The following FREM3 variants were observed in gnomAD, a reference collection of about 807,000 sequenced individuals.
FREM3 encodes FRAS1 related extracellular matrix 3.
In FREM3, 105 loss-of-function variants were observed where a neutral mutation model predicts 129.1. The observed-to-expected ratio is 0.81, with a 90% CI of 0.69 to 0.96. FREM3 has a LOEUF of 0.96. FREM3 is among the 40% of genes least tolerant of loss of function. The pLI, the probability that FREM3 is intolerant of heterozygous loss-of-function variation, is 0.00. For missense variants in FREM3, 2,593 were observed against 2,666.3 expected, an observed-to-expected ratio of 0.97 and a Z score of 0.61; for synonymous variants, 1,014 against 1,044.9, an observed-to-expected ratio of 0.97 and a Z score of 0.57.
In FREM3 at chr4:143,696,572, ATTG is replaced by A; in HGVS notation, c.4101_4103del (p.Asn1368del). ...GGGTAAAGTTCATTCCCAGAGTAAGATTGTTCCTCACTTCTCCTCTGGGTTTTC... is the reference window on the plus strand; with the variant it reads ...GGGTAAAGTTCATTCCCAGAGTAAGATTCCTCACTTCTCCTCTGGGTTTTC... On this transcript the variant is annotated inframe_deletion, in exon 1 of 8. Transcript: ENST00000329798. 11 of 1,537,444 alleles carry A rather than the reference ATTG, an allele frequency of 7.2e-6. No individual in the cohort carries two copies. The highest frequency in any genetic ancestry group is 7.0e-6 in the Non-Finnish European group (8 of 1,146,964).
chr4:143,590,147 TG>T (rs1401086407), intron 6 of FREM3, among the ~76,000 whole-genome samples: 2 of 152,136 alleles, frequency 1.3e-5, no homozygotes, highest in Non-Finnish European at 2.9e-5. Context: ...GCTGAGACGA[TG>T]GGGTTTTCTA....
In FREM3 at chr4:143,582,493, C is replaced by T. The variant is rs537212331; in HGVS notation, c.6178+3351G>A. 3.9e-5 allele frequency among the ~76,000 whole-genome samples: 6 copies of T among 152,186 alleles called. No homozygotes were observed. The East Asian group carries it at 9.7e-4, about 24-fold the overall frequency. ...GAACAAAGCCTTGGCCCTCTGAAAA[C>T]GTCCAGAAACAAAGTCAATTGACTA... On this transcript the variant is annotated intron_variant, in intron 7 of 7. Coordinates refer to ENST00000329798, the MANE Select transcript of FREM3 (RefSeq NM_001168235.2).
chr4:143,678,438 G>GC (rs1300107035), intron 2 of FREM3, among the ~76,000 whole-genome samples: 4 of 152,062 alleles, frequency 2.6e-5, no homozygotes, highest in African/African-American at 9.7e-5. Flanking sequence ...TATATCTAAT[G>GC]TAAATGATGA....
At chr4:143,657,542 A>T (rs1739623292) in intron 2 of FREM3, among the ~76,000 whole-genome samples, 1 of 152,176 alleles carries the variant, frequency 6.6e-6, no homozygotes, top group South Asian at 2.1e-4. Flanking sequence ...CCCAAATGAT[A>T]ATTCATGATA....
At chr4:143,666,688 A>T (rs1255837866) in intron 2 of FREM3, among the ~76,000 whole-genome samples, 1 of 152,156 alleles carries the variant, frequency 6.6e-6, no homozygotes, top group Non-Finnish European at 1.5e-5. Context: ...AAATTCATAG[A>T]GACATAAAGT....
intron 6 of FREM3, among the ~76,000 whole-genome samples, chr4:143,587,429 G>A (rs907402707): frequency 6.6e-6 from 1 of 152,164 alleles, no homozygotes; most frequent in Non-Finnish European, 1.5e-5. Context: ...GAAAAGGGTG[G>A]TAGGGTCATT....
intron 2 of FREM3, among the ~76,000 whole-genome samples, chr4:143,644,395 A>C (rs1227674358): frequency 6.6e-6 from 1 of 152,190 alleles, no homozygotes; most frequent in Admixed American, 6.5e-5. Flanking sequence ...AATATAAAGA[A>C]TGAGTATCTA....
Position 143,588,473 on chromosome 4 carries a change from T to C in FREM3, c.6029-2480A>G, listed in dbSNP as rs921865878. Among the ~76,000 whole-genome samples the C allele has an allele frequency of 3.5e-5, 5 of 144,618 alleles. No individual in the cohort carries two copies. The Admixed American group carries it at 3.5e-4, about 10-fold the overall frequency. 94.9% of individuals were successfully genotyped at this position (144,618 alleles called of 152,430 possible). A position where few individuals can be genotyped will look rare whatever the true frequency, so the allele number is the denominator to read the frequency against. On this transcript the variant is annotated intron_variant, in intron 6 of 7. Transcript: ENST00000329798. ...GTGTTCTCATTGTTCAATTCCCACC[T>C]ATGAGTGAGAACATGCAGTGTTTGG... is the stretch of plus-strand genomic sequence containing the variant.
rs1403593333 is a variant in FREM3 at position 143,700,608 on chromosome 4, A to G, written c.68T>C (p.Leu23Pro). Reference protein sequence around the residue: ...RQLLVALACLLLSRPALQGRA... With the variant: ...RQLLVALACLPLSRPALQGRA... ...TCCCTGCAGCGCGGGGCGACTCAAG[A>G]GCAGGCAGGCGAGCGCCACAAGGAG... is the stretch of plus-strand genomic sequence containing the variant. The change falls in exon 1 of 8, where the codon CTC becomes CCC. Residue 23 changes from leucine (L) to proline (P), a missense_variant. Physicochemically the swap from Leu to Pro is moderately conservative, Grantham distance 98. This residue lies in a region of FREM3 where 2,276 missense variants were observed against 2,267.2 expected (regional missense o/e 1.00). Coordinates refer to ENST00000329798, the MANE Select transcript of FREM3 (RefSeq NM_001168235.2). 24 of 1,460,182 alleles carry G rather than the reference A, an allele frequency of 1.6e-5. No individual in the cohort carries two copies. The highest frequency in any genetic ancestry group is 1.6e-5 in the Non-Finnish European group (18 of 1,107,954). The allele number at this position is 1,460,182 out of a possible 1,614,324, so 90.5% of individuals were successfully genotyped here. A position where few individuals can be genotyped will look rare whatever the true frequency, so the allele number is the denominator to read the frequency against.
intron 2 of FREM3, among the ~76,000 whole-genome samples, chr4:143,685,204 G>A (rs936252232): frequency 1.3e-5 from 2 of 152,084 alleles, no homozygotes; most frequent in Non-Finnish European, 2.9e-5. Flanking sequence ...ATTGTCATCA[G>A]GTTATCCAAA....
At chr4:143,612,364 A>G (rs570167422) in intron 5 of FREM3, among the ~76,000 whole-genome samples, 7 of 152,188 alleles carry the variant, frequency 4.6e-5, no homozygotes, top group Non-Finnish European at 7.3e-5. Flanking sequence ...ATTTAGCACA[A>G]TGCTTTTGAG....
At chr4:143,675,409 G>A (rs903087999) in intron 2 of FREM3, among the ~76,000 whole-genome samples, 14 of 152,152 alleles carry the variant, frequency 9.2e-5, no homozygotes, top group South Asian at 4.2e-4. Context: ...AGGGAAATTT[G>A]TAGCACTAAA....
chr4:143,635,296 T>G (rs1484083843), intron 2 of FREM3, among the ~76,000 whole-genome samples: 1 of 152,188 alleles, frequency 6.6e-6, no homozygotes, highest in Admixed American at 6.5e-5. Context: ...TAAAAAAGAA[T>G]AGCTTGAAGC....
At position 143,699,403 on chromosome 4, in the gene FREM3, C is replaced by T. The variant is rs2149865752; in HGVS notation, c.1273G>A (p.Val425Met). 1 of 1,537,322 alleles carries T rather than the reference C, an allele frequency of 6.5e-7. No homozygotes were observed. ...GGGACCAGAGTATTCATGGATTTCA[C>T]TGTCACCATGAAGGCAAAGGGGTCT... ...ASDPFAFMVT[V>M]KSMNTLVPVA... is the part of the protein sequence containing the mutation. The change falls in exon 1 of 8, where the codon GTG (valine) becomes ATG (methionine). Residue 425 changes from valine to methionine, a missense_variant. Val to Met is a conservative substitution (Grantham distance 21). This residue lies in a region of FREM3 where 2,276 missense variants were observed against 2,267.2 expected (regional missense o/e 1.00). Coordinates refer to ENST00000329798, the MANE Select transcript of FREM3 (RefSeq NM_001168235.2). This position sits in a 1 kb window ranked among gnomAD's most constrained non-coding sequence, Gnocchi z 4.2.
In FREM3 at chr4:143,699,084, A is replaced by G; in HGVS notation, c.1592T>C (p.Leu531Pro). ...CACAGGTAGGATGGTGAGGGGAAAG[A>G]GGAAGTCCACTTGGTGGTGCCCGTC... is the stretch of plus-strand genomic sequence containing the variant. ...MEDGHHQVDF[L>P]FPLTILPVDD... The change falls in exon 1 of 8, where the codon CTC becomes CCC. Residue 531 changes from leucine to proline, a missense_variant. By Grantham distance (98) the Leu-to-Pro change is moderately conservative. This residue lies in a region of FREM3 where 2,276 missense variants were observed against 2,267.2 expected (regional missense o/e 1.00). Coordinates refer to ENST00000329798, the MANE Select transcript of FREM3 (RefSeq NM_001168235.2). The surrounding 1 kb of genome is among the most constrained non-coding windows in gnomAD (Gnocchi z 4.2). 6.5e-7 allele frequency: 1 copy of G among 1,537,480 alleles called. No homozygotes were observed. Among genetic ancestry groups the G allele is most frequent in the Non-Finnish European group, 8.7e-7 (1 of 1,146,954 alleles).
At chr4:143,675,462 A>C (rs1354761816) in intron 2 of FREM3, among the ~76,000 whole-genome samples, 1 of 152,192 alleles carries the variant, frequency 6.6e-6, no homozygotes, top group Admixed American at 6.5e-5. Context: ...TTGACACCCT[A>C]ACATCACAAT....
chr4:143,603,532 C>G lies in FREM3; in HGVS notation c.6028+7747G>C, dbSNP rs533127160. On this transcript the variant is annotated intron_variant, in intron 6 of 7. Coordinates refer to ENST00000329798, the MANE Select transcript of FREM3 (RefSeq NM_001168235.2). ...ACATAGTTGATCCATTTAATACATT[C>G]TGTAGCCTCAGTAGAATGACATGTT... is the stretch of plus-strand genomic sequence containing the variant. Among the ~76,000 whole-genome samples, 23 of 152,200 alleles carry G rather than the reference C, an allele frequency of 1.5e-4. 1 individual carries two copies. The East Asian group carries it at 3.7e-3, about 24-fold the overall frequency.
chr4:143,618,859 G>A (rs1023612544), intron 5 of FREM3, among the ~76,000 whole-genome samples: 1 of 152,116 alleles, frequency 6.6e-6, no homozygotes, highest in Non-Finnish European at 1.5e-5. Flanking sequence ...TGGAGTCACT[G>A]CACTCCAGCC....
At chr4:143,663,909 T>A (rs1739793813) in intron 2 of FREM3, among the ~76,000 whole-genome samples, 1 of 152,172 alleles carries the variant, frequency 6.6e-6, no homozygotes, top group Non-Finnish European at 1.5e-5. Flanking sequence ...CTTCACGTAG[T>A]TCTCGAGCCT....
Sources: allele counts gnomAD v4.1 joint callset (sites outside exome capture counted in the v4.1 genomes callset), GRCh38; gene constraint gnomAD v4.1.1; regional missense constraint gnomAD v4.1.1; non-coding constraint Gnocchi (gnomAD v3.1); transcripts MANE v1.5; gene names NCBI Gene and HGNC (gene_info 2026-07-23, HGNC 2026-07-21).